ERICH3: variants seen among roughly 807,000 people sequenced by gnomAD.
ERICH3 encodes the protein glutamate-rich protein 3.
Under a neutral mutation model 131.1 loss-of-function variants are expected in ERICH3, and 126 were observed. The observed-to-expected ratio is 0.96, with a 90% CI of 0.83 to 1.11. The LOEUF (loss-of-function observed/expected upper bound fraction) is 1.11, where lower values mean the gene tolerates loss of function less well. Among genes scored for constraint, ERICH3 ranks in the 50% most tolerant of loss-of-function variants. The pLI is 0.00. For missense variants in ERICH3, 2,050 were observed against 1,810.7 expected, an observed-to-expected ratio of 1.13 and a Z score of -2.40; for synonymous variants, 695 against 644.6, an observed-to-expected ratio of 1.08 and a Z score of -1.18.
At chr1:74,632,586 G>T (rs1292468720) in intron 6 of ERICH3, among the ~76,000 whole-genome samples, 1 of 151,708 alleles carries the variant, frequency 6.6e-6, no homozygotes, top group Non-Finnish European at 1.5e-5. Context: ...ACATATATAT[G>T]AAGAAGTTAA....
chr1:74,662,255 G>A (rs964936637), intron 1 of ERICH3, among the ~76,000 whole-genome samples: 2 of 152,098 alleles, frequency 1.3e-5, no homozygotes, highest in African/African-American at 4.8e-5. Context: ...GCAGCCTGAG[G>A]CCAGCCTCAC....
chr1:74,594,271 GGC>G (rs984257224), intron 11 of ERICH3, among the ~76,000 whole-genome samples: 25 of 136,160 alleles, frequency 1.8e-4, no homozygotes, highest in Admixed American at 4.2e-4. Context: ...ACAAAAATGG[GGC>G]GTGTGTGTGT....
At chr1:74,638,713 C>T (rs1325825476) in intron 5 of ERICH3, among the ~76,000 whole-genome samples, 1 of 152,112 alleles carries the variant, frequency 6.6e-6, no homozygotes, top group Non-Finnish European at 1.5e-5. Context: ...AAGATGAGAG[C>T]AGAAGTGACA....
intron 8 of ERICH3, among the ~76,000 whole-genome samples, chr1:74,616,288 G>A (rs998003084): frequency 2.6e-5 from 4 of 152,096 alleles, no homozygotes; most frequent in African/African-American, 9.7e-5. Flanking sequence ...CCAAAGTGCT[G>A]GGGTTACAGG....
At chr1:74,639,872 T>C (rs1016192688) in intron 5 of ERICH3, among the ~76,000 whole-genome samples, 4 of 152,106 alleles carry the variant, frequency 2.6e-5, no homozygotes, top group African/African-American at 9.7e-5. Context: ...TTGGAGATCA[T>C]GAGTCAAATT....
intron 8 of ERICH3, chr1:74,615,204 A>G (rs937208280): frequency 2.6e-5 from 4 of 152,192 alleles, no homozygotes; most frequent in Non-Finnish European, 4.4e-5. Flanking sequence ...TTTTAAATAC[A>G]GTGACACCTC....
intron 8 of ERICH3, among the ~76,000 whole-genome samples, chr1:74,614,225 AT>A (rs1648834684): frequency 6.6e-6 from 1 of 152,296 alleles, no homozygotes; most frequent in South Asian, 2.1e-4. Flanking sequence ...TGTGAAATCC[AT>A]AAGAGCTGAA....
At chr1:74,628,867 C>A (rs927963008) in intron 7 of ERICH3, among the ~76,000 whole-genome samples, 1 of 151,956 alleles carries the variant, frequency 6.6e-6, no homozygotes, top group Non-Finnish European at 1.5e-5. Context: ...CAGAACTTGG[C>A]ATAATTACAA....
intron 11 of ERICH3, among the ~76,000 whole-genome samples, chr1:74,590,683 C>T (rs1647550162): frequency 1.3e-5 from 2 of 152,180 alleles, no homozygotes; most frequent in African/African-American, 4.8e-5. Context: ...TTCCCCACCA[C>T]TCACCTCCTG....
chr1:74,581,977 G>A (rs1016051370), intron 12 of ERICH3, among the ~76,000 whole-genome samples: 4 of 152,138 alleles, frequency 2.6e-5, no homozygotes, highest in Non-Finnish European at 5.9e-5. Flanking sequence ...ACTTTTCTGT[G>A]GTTGCAAGAG....
Position 74,568,956 on chromosome 1 carries a change from G to T in ERICH3, c.*1502C>A, listed in dbSNP as rs1646903966. 6.6e-6 allele frequency: 1 copy of T among 152,114 alleles called. No individual in the cohort carries two copies. The highest frequency in any genetic ancestry group is 2.4e-5 in the African/African-American group (1 of 41,422). The allele number at this position is 152,114 out of a possible 1,614,324, so 9.4% of individuals were successfully genotyped here. On this transcript the variant is annotated 3_prime_UTR_variant, in exon 15 of 15. Transcript: ENST00000326665. ...GACAAAGGCTGGGAACAATTTCCAG[G>T]TGATGCTGATGTGCTGATGCTTCTG...
rs765103330 is a variant in ERICH3, at chr1:74,646,708, A to G, written c.202T>C (p.Cys68Arg). Residue 68 changes from cysteine to arginine, a missense_variant, in exon 3 of 15, where the codon TGC becomes CGC. Cys to Arg is a radical substitution (Grantham distance 180, BLOSUM62 -3). Coordinates refer to ENST00000326665, the MANE Select transcript of ERICH3 (RefSeq NM_001002912.5). The stretch of plus-strand genomic sequence containing the variant: ...TTATGAAAAATTGCCTGGGCTAAGC[A>G]TTCCCGGATATATTTTTGATGATCC... ...KRDHQKYIRECLAQAIFHKVL... is the reference protein window; with the variant it reads ...KRDHQKYIRERLAQAIFHKVL... The G allele has an allele frequency of 6.8e-7, 1 of 1,481,112 alleles. No individual in the cohort carries two copies. The highest frequency in any genetic ancestry group is 2.0e-5 in the Admixed American group (1 of 49,674). 91.7% of individuals were successfully genotyped at this position (1,481,112 alleles called of 1,614,324 possible).
intron 6 of ERICH3, 48 bp from the exon 7 acceptor site, chr1:74,631,976 A>G (rs1646342772): frequency 6.6e-7 from 1 of 1,510,476 alleles, no homozygotes; most frequent in African/African-American, 1.4e-5. Flanking sequence ...AGAATCAGTG[A>G]CTCAATGTAA....
At chr1:74,623,923 ATC>A (rs1479544202) in intron 7 of ERICH3, 1 of 152,150 alleles carries the variant, frequency 6.6e-6, no homozygotes, top group Non-Finnish European at 1.5e-5. Flanking sequence ...ACTACTTTTA[ATC>A]TCCAGGCCTC....
chr1:74,596,603 C>A lies in ERICH3; in HGVS notation c.1726+3092G>T, dbSNP rs138134686. ...TTCCTGTCTAACTGTAACTTTGTAC[C>A]CGTTGACCTCTTACTCATGGACACT... On this transcript the variant is annotated intron_variant, in intron 11 of 14. Transcript: ENST00000326665. 1.3e-3 allele frequency among the ~76,000 whole-genome samples: 191 copies of A among 152,016 alleles called. 1 individual carries two copies. Among genetic ancestry groups the A allele is most frequent in the African/African-American group, 4.3e-3 (180 of 41,490 alleles).
Position 74,569,392 on chromosome 1 carries a change from T to C in ERICH3, c.*1066A>G, listed in dbSNP as rs1000951138. On this transcript the variant is annotated 3_prime_UTR_variant, in exon 15 of 15. Coordinates refer to ENST00000326665, the MANE Select transcript of ERICH3 (RefSeq NM_001002912.5). ...ATACATGCGCTCTGGGGCACTTGTA[T>C]GTCTTCAGGGAAATGAAAACCCCTA... 6 of 152,302 alleles carry C rather than the reference T, an allele frequency of 3.9e-5. No individual in the cohort carries two copies. In the East Asian group the frequency reaches 1.2e-3, roughly 29 times the overall value. The allele number at this position is 152,302 out of a possible 1,614,324, so 9.4% of individuals were successfully genotyped here.
At chr1:74,629,824 T>A (rs1026695205) in intron 7 of ERICH3, among the ~76,000 whole-genome samples, 7 of 152,192 alleles carry the variant, frequency 4.6e-5, no homozygotes, top group African/African-American at 1.7e-4. Context: ...TTGAGCTTAT[T>A]TCTGAAGTTT....
chr1:74,637,248 A>G (rs1414318866), intron 5 of ERICH3, among the ~76,000 whole-genome samples: 2 of 151,948 alleles, frequency 1.3e-5, no homozygotes, highest in Non-Finnish European at 2.9e-5. Flanking sequence ...CAGGGTCATA[A>G]TGGGCCAGCT....
rs1480724550 is a variant in ERICH3, at chr1:74,590,041, G to A, written c.1766C>T (p.Pro589Leu). 8.7e-6 allele frequency: 14 copies of A among 1,613,148 alleles called. No homozygotes were observed. Among genetic ancestry groups the A allele is most frequent in the Non-Finnish European group, 1.2e-5 (14 of 1,179,474 alleles). Residue 589 changes from proline to leucine, a missense_variant, in exon 12 of 15, where the codon CCT becomes CTT. By Grantham distance (98) the Pro-to-Leu change is moderately conservative (BLOSUM62 -3). Coordinates refer to ENST00000326665, the MANE Select transcript of ERICH3 (RefSeq NM_001002912.5). ...TTCATCCTCACTGTCACTAGAATAA[G>A]GGTGACTTCTGGATGAGGTTGATGA... The part of the protein sequence containing the change: ...TASSTSSRSH[P>L]YSSDSEDESA...
Sources: allele counts gnomAD v4.1 joint callset (sites outside exome capture counted in the v4.1 genomes callset), GRCh38; gene constraint gnomAD v4.1.1; transcripts MANE v1.5; gene names NCBI Gene and HGNC (gene_info 2026-07-23, HGNC 2026-07-21).